Variants in ZNRF1 observed in about 807,000 individuals in gnomAD.
ZNRF1 encodes the protein zinc and ring finger 1, also known as E3 ubiquitin-protein ligase ZNRF1.
In ZNRF1, 3 loss-of-function variants were observed where a neutral mutation model predicts 18.4. The ratio of observed to expected loss-of-function variants is 0.16; its 90% CI spans 0.07 to 0.42. ZNRF1 has a LOEUF of 0.42. Ranked by LOEUF, ZNRF1 falls within the 10% of genes least tolerant of loss-of-function variation. The probability of loss-of-function intolerance (pLI) is 0.99; values close to 1 mark genes in which losing one functional copy is unlikely to be tolerated. For synonymous variants in ZNRF1, 157 were observed against 144.2 expected (o/e 1.09, Z -0.64); for missense variants, 310 against 329.8 (o/e 0.94, Z 0.47).
At chr16:75,021,477 A>C (rs900028515) in intron 1 of ZNRF1, among the ~76,000 whole-genome samples, 2 of 152,122 alleles carry the variant, frequency 1.3e-5, no homozygotes, top group South Asian at 2.1e-4. Flanking sequence ...TTTTGAGTTA[A>C]ATTTCCTTCT....
At chr16:75,051,520 C>CT (rs760226539) in intron 1 of ZNRF1, among the ~76,000 whole-genome samples, 6 of 141,824 alleles carry the variant, frequency 4.2e-5, no homozygotes, top group South Asian at 4.7e-4. Context: ...GCATCTTCCC[C>CT]TTTTTTTTTT....
At chr16:75,003,522 G>A (rs1351075717) in intron 1 of ZNRF1, among the ~76,000 whole-genome samples, 2 of 152,152 alleles carry the variant, frequency 1.3e-5, no homozygotes, top group Non-Finnish European at 2.9e-5. Flanking sequence ...AAGGAAACAG[G>A]TTTGGGGAGG....
chr16:75,047,459 AATTT>A (rs2035530406), intron 1 of ZNRF1, among the ~76,000 whole-genome samples: 1 of 152,214 alleles, frequency 6.6e-6, no homozygotes, highest in African/African-American at 2.4e-5. Context: ...TGCCTGGCTC[AATTT>A]ATTTATTTGT....
At chr16:75,044,738 T>A (rs1020283045) in intron 1 of ZNRF1, among the ~76,000 whole-genome samples, 12 of 152,362 alleles carry the variant, frequency 7.9e-5, no homozygotes, top group African/African-American at 2.4e-4. Flanking sequence ...GCCATATTTT[T>A]AATTAAGTTA....
chr16:75,048,924 G>T (rs2035552541), intron 1 of ZNRF1, among the ~76,000 whole-genome samples: 2 of 152,068 alleles, frequency 1.3e-5, no homozygotes, highest in Admixed American at 6.5e-5. Context: ...TTCATTTCAA[G>T]AAATTGTTTA....
intron 4 of ZNRF1, chr16:75,106,851 C>T: frequency 3.2e-6 from 1 of 309,348 alleles, no homozygotes; most frequent in Non-Finnish European, 6.3e-6. Context: ...AAAGAAAGTT[C>T]AGGAATATCC....
chr16:75,079,094 T>C (rs944058352), intron 1 of ZNRF1, among the ~76,000 whole-genome samples: 1 of 152,210 alleles, frequency 6.6e-6, no homozygotes, highest in Non-Finnish European at 1.5e-5. Flanking sequence ...TAGCATACTT[T>C]ACATGCCTTG....
chr16:75,059,864 G>A (rs1471837201), intron 1 of ZNRF1, among the ~76,000 whole-genome samples: 1 of 152,084 alleles, frequency 6.6e-6, no homozygotes, highest in Non-Finnish European at 1.5e-5. Flanking sequence ...CATTCTTTAT[G>A]TTCCTTCATC....
chr16:75,064,860 C>T (rs182330935), intron 1 of ZNRF1, among the ~76,000 whole-genome samples: 5 of 152,326 alleles, frequency 3.3e-5, no homozygotes, highest in African/African-American at 7.2e-5. Flanking sequence ...TTCGGAAGAA[C>T]CGACTGCTGG....
intron 1 of ZNRF1, among the ~76,000 whole-genome samples, chr16:75,028,929 A>C (rs2035261209): frequency 6.6e-6 from 1 of 152,026 alleles, no homozygotes. Context: ...ATTCCTCTTT[A>C]TCTCTCTACC....
chr16:75,093,273 T>C (rs551987483), intron 1 of ZNRF1, among the ~76,000 whole-genome samples: 2 of 151,706 alleles, frequency 1.3e-5, no homozygotes, highest in East Asian at 3.9e-4. Context: ...TAATCCCAGC[T>C]ACTTGGAAGG....
intron 1 of ZNRF1, among the ~76,000 whole-genome samples, chr16:75,040,764 G>C (rs1209511372): frequency 6.6e-6 from 1 of 151,660 alleles, no homozygotes; most frequent in Non-Finnish European, 1.5e-5. Flanking sequence ...GCGCCACCAT[G>C]CCCAGCTAAT....
At chr16:75,072,063 C>G (rs189137084) in intron 1 of ZNRF1, among the ~76,000 whole-genome samples, 1 of 152,046 alleles carries the variant, frequency 6.6e-6, no homozygotes. Context: ...TTCAGCCTCC[C>G]GAATAGCTGG....
chr16:75,043,456 C>T (rs2035474547), intron 1 of ZNRF1, among the ~76,000 whole-genome samples: 1 of 152,122 alleles, frequency 6.6e-6, no homozygotes, highest in Non-Finnish European at 1.5e-5. Context: ...GAACAGGCTG[C>T]CTTCCAAAAC....
At chr16:75,026,605 A>G (rs781549736) in intron 1 of ZNRF1, among the ~76,000 whole-genome samples, 11 of 152,312 alleles carry the variant, frequency 7.2e-5, no homozygotes, top group Non-Finnish European at 1.5e-4. Flanking sequence ...TTAAAAAAAT[A>G]TATACAACAA....
chr16:75,095,451 A>G (rs2036187036), intron 2 of ZNRF1: 1 of 752,262 alleles, frequency 1.3e-6, no homozygotes. Flanking sequence ...GAGGGAGAGG[A>G]GCCTTCCCTG....
At chr16:75,009,895 T>C (rs954994968) in intron 1 of ZNRF1, among the ~76,000 whole-genome samples, 1 of 152,190 alleles carries the variant, frequency 6.6e-6, no homozygotes, top group Non-Finnish European at 1.5e-5. Flanking sequence ...ATTAGTGATA[T>C]TGAGCATCTT....
intron 1 of ZNRF1, among the ~76,000 whole-genome samples, chr16:75,064,862 G>A (rs969724133): frequency 1.3e-5 from 2 of 152,306 alleles, no homozygotes; most frequent in East Asian, 1.9e-4. Flanking sequence ...CGGAAGAACC[G>A]ACTGCTGGGC....
rs1024851391 is a variant in ZNRF1, at chr16:74,999,591, C to G, written c.-81C>G. The G allele has an allele frequency of 7.4e-6, 8 of 1,078,962 alleles. No individual in the cohort carries two copies. The highest frequency in any genetic ancestry group is 4.9e-5 in the African/African-American group (3 of 60,828). 66.8% of individuals were successfully genotyped at this position (1,078,962 alleles called of 1,614,324 possible). On this transcript the variant is annotated 5_prime_UTR_variant, in exon 1 of 5. Coordinates refer to ENST00000335325, the MANE Select transcript of ZNRF1 (RefSeq NM_032268.5). ...TTTTGACTCCCTCCCCCTTTATGCT[C>G]GCCCAGCCCTCCCCCTGCTGCTGAG...
Sources: allele counts gnomAD v4.1 joint callset (sites outside exome capture counted in the v4.1 genomes callset), GRCh38; gene constraint gnomAD v4.1.1; transcripts MANE v1.5; gene names NCBI Gene and HGNC (gene_info 2026-07-23, HGNC 2026-07-21).